ZDHHC14: variants seen among roughly 807,000 people sequenced by gnomAD.
The protein encoded by ZDHHC14 is zDHHC palmitoyltransferase 14.
In ZDHHC14, 16 loss-of-function variants were observed where a neutral mutation model predicts 47.7. The observed-to-expected ratio is 0.34, with a 90% CI of 0.23 to 0.51. The LOEUF (loss-of-function observed/expected upper bound fraction) is 0.51. ZDHHC14 is among the 20% of genes least tolerant of loss of function. ZDHHC14 has a pLI of 0.97. For synonymous variants in ZDHHC14, 293 were observed against 278.9 expected (o/e 1.05, Z -0.50); for missense variants, 515 against 662.5 (o/e 0.78, Z 2.44).
At chr6:157,518,469 A>G (rs1182962983) in intron 1 of ZDHHC14, among the ~76,000 whole-genome samples, 1 of 152,078 alleles carries the variant, frequency 6.6e-6, no homozygotes, top group Non-Finnish European at 1.5e-5. Flanking sequence ...TGTGTGGTGG[A>G]ATAAAGGCCT....
chr6:157,608,081 G>A lies in ZDHHC14; in HGVS notation c.565+14935G>A, dbSNP rs980775190. On this transcript the variant is annotated intron_variant, in intron 3 of 8. Coordinates refer to ENST00000359775, the MANE Select transcript of ZDHHC14 (RefSeq NM_024630.3). The stretch of plus-strand genomic sequence containing the variant: ...ATTTGTGGGTTTGTTTTTCACCAAC[G>A]AATTGAAAACATGCATTTTTTTCCA... 4.6e-5 allele frequency among the ~76,000 whole-genome samples: 7 copies of A among 152,180 alleles called. No individual in the cohort carries two copies. The East Asian group carries it at 9.6e-4, about 21-fold the overall frequency.
At position 157,502,950 on chromosome 6, in the gene ZDHHC14, CA is replaced by C. The variant is rs1176763407; in HGVS notation, c.246-39632del. On this transcript the variant is annotated intron_variant, in intron 1 of 8. Transcript: ENST00000359775. This position sits in a 1 kb window ranked among gnomAD's most constrained non-coding sequence, Gnocchi z 4.0. ...AAGTGATCAACTTGCCTTGGCTTCC[CA>C]AAGTATTGGAATTACAGGCATGAGC... Among the ~76,000 whole-genome samples, 1 of 152,176 alleles carries C rather than the reference CA, an allele frequency of 6.6e-6. No homozygotes were observed. The highest frequency in any genetic ancestry group is 1.5e-5 in the Non-Finnish European group (1 of 68,044).
intron 1 of ZDHHC14, among the ~76,000 whole-genome samples, chr6:157,397,650 T>C (rs1777549038): frequency 6.6e-6 from 1 of 152,188 alleles, no homozygotes; most frequent in African/African-American, 2.4e-5. Context: ...GCAGAGTCCC[T>C]TTGGCACTAT....
At chr6:157,538,828 T>C (rs2114797181) in intron 1 of ZDHHC14, among the ~76,000 whole-genome samples, 1 of 152,272 alleles carries the variant, frequency 6.6e-6, no homozygotes, top group Middle Eastern at 3.4e-3. Flanking sequence ...GGTGCGGGTG[T>C]TCCAGACACG....
chr6:157,551,247 G>A (rs1782218758), intron 2 of ZDHHC14, among the ~76,000 whole-genome samples: 1 of 152,132 alleles, frequency 6.6e-6, no homozygotes, highest in Non-Finnish European at 1.5e-5. Context: ...GGCCACTGCA[G>A]GGCTCTGAGT....
intron 1 of ZDHHC14, among the ~76,000 whole-genome samples, chr6:157,489,856 T>G (rs1562446321): frequency 6.6e-6 from 1 of 151,290 alleles, no homozygotes; most frequent in Non-Finnish European, 1.5e-5. Context: ...GCTATGGGAG[T>G]GGGGAAGATT....
intron 3 of ZDHHC14, among the ~76,000 whole-genome samples, chr6:157,606,013 G>C (rs1211345459): frequency 6.6e-6 from 1 of 152,184 alleles, no homozygotes; most frequent in Non-Finnish European, 1.5e-5. Context: ...TATATGCTGA[G>C]TACTTTACGT....
At position 157,593,163 on chromosome 6, in the gene ZDHHC14, C is replaced by A; in HGVS notation, c.565+17C>A. 6.3e-7 allele frequency: 1 copy of A among 1,595,960 alleles called. No individual in the cohort carries two copies. The highest frequency in any genetic ancestry group is 1.3e-5 in the African/African-American group (1 of 74,392). Reference sequence around the variant, plus strand: ...ACTGCGTAGGTGAGTAGTGCCTGGGCGGAGCCTGGCGGGAGCCCGGGTCCT... The same window carrying A: ...ACTGCGTAGGTGAGTAGTGCCTGGGAGGAGCCTGGCGGGAGCCCGGGTCCT... On this transcript the variant is annotated intron_variant, in intron 3 of 8. Transcript: ENST00000359775.
chr6:157,634,109 A>AAT (rs922453756), intron 5 of ZDHHC14, among the ~76,000 whole-genome samples: 104 of 152,048 alleles, frequency 6.8e-4, no homozygotes, highest in East Asian at 1.9e-3. Context: ...TATAAATATA[A>AAT]ATATATATAT....
chr6:157,458,677 T>C (rs1331696521), intron 1 of ZDHHC14, among the ~76,000 whole-genome samples: 1 of 151,868 alleles, frequency 6.6e-6, no homozygotes, highest in East Asian at 1.9e-4. Context: ...AAACAATGAG[T>C]GGCGCATCTT....
intron 1 of ZDHHC14, among the ~76,000 whole-genome samples, chr6:157,397,283 T>A (rs1777540281): frequency 6.6e-6 from 1 of 152,232 alleles, no homozygotes; most frequent in South Asian, 2.1e-4. Flanking sequence ...TGTAATGAAT[T>A]GTTACAAACG....
At chr6:157,444,813 G>A (rs1778628716) in intron 1 of ZDHHC14, among the ~76,000 whole-genome samples, 1 of 152,158 alleles carries the variant, frequency 6.6e-6, no homozygotes, top group Non-Finnish European at 1.5e-5. Context: ...AGGGCCGAGT[G>A]GAGGGGCCTT....
chr6:157,525,642 A>C (rs1781127919), intron 1 of ZDHHC14, among the ~76,000 whole-genome samples: 1 of 152,186 alleles, frequency 6.6e-6, no homozygotes, highest in Non-Finnish European at 1.5e-5. Context: ...CCCCCAGGCA[A>C]GGCGAGTGTG....
At chr6:157,610,211 G>A (rs1233965601) in intron 3 of ZDHHC14, among the ~76,000 whole-genome samples, 3 of 152,204 alleles carry the variant, frequency 2.0e-5, no homozygotes, top group Admixed American at 6.5e-5. Flanking sequence ...TTGGGAGGCC[G>A]AGGCAGGCGG....
At chr6:157,426,365 A>G (rs916550066) in intron 1 of ZDHHC14, among the ~76,000 whole-genome samples, 5 of 152,186 alleles carry the variant, frequency 3.3e-5, no homozygotes, top group Non-Finnish European at 4.4e-5. Flanking sequence ...ATTTTAAGGG[A>G]AAAATCAATG....
chr6:157,400,851 C>T (rs551666403), intron 1 of ZDHHC14, among the ~76,000 whole-genome samples: 115 of 152,216 alleles, frequency 7.6e-4, no homozygotes, highest in Non-Finnish European at 1.4e-3. Context: ...CCAGTGAGTG[C>T]CGGGCTCCCT....
chr6:157,501,380 G>T (rs1001226044), intron 1 of ZDHHC14, among the ~76,000 whole-genome samples: 1 of 152,160 alleles, frequency 6.6e-6, no homozygotes, highest in Admixed American at 6.5e-5. Context: ...ATGTGATTTG[G>T]GGGAAGTGTC....
chr6:157,602,831 C>G (rs1784388415), intron 3 of ZDHHC14, among the ~76,000 whole-genome samples: 1 of 152,164 alleles, frequency 6.6e-6, no homozygotes, highest in Non-Finnish European at 1.5e-5. Context: ...GGGCACCAGC[C>G]CCTTCGTGCT....
chr6:157,460,405 GAAAAAAAAAAAAAAAA>G (rs1164382844), intron 1 of ZDHHC14, among the ~76,000 whole-genome samples: 22 of 43,360 alleles, frequency 5.1e-4, no homozygotes, highest in African/African-American at 8.5e-4. Context: ...TCTCTCTCTG[GAAAAAAAAAAAAAAAA>G]AAAAAAAAAA....
Sources: gnomAD v4.1 joint callset for allele counts (sites outside exome capture counted in the v4.1 genomes callset) on GRCh38, gnomAD v4.1.1 for gene constraint, Gnocchi (gnomAD v3.1) non-coding constraint, MANE v1.5 for transcripts, NCBI Gene and HGNC (gene_info 2026-07-23, HGNC 2026-07-21) for gene names.